The following ADAM19 variants were observed in gnomAD, a reference collection of about 807,000 sequenced individuals.
ADAM19 encodes the protein ADAM metallopeptidase domain 19.
In ADAM19, 65 loss-of-function variants were observed where a neutral mutation model predicts 114.7. That is an observed-to-expected ratio of 0.57 (90% confidence interval 0.46 to 0.70). The LOEUF (loss-of-function observed/expected upper bound fraction) is 0.70, where lower values mean the gene tolerates loss of function less well. Among genes scored for constraint, ADAM19 ranks in the 30% least tolerant of loss-of-function variants. The probability of loss-of-function intolerance (pLI) is 0.00; values close to 1 mark genes in which losing one functional copy is unlikely to be tolerated. For missense variants in ADAM19, 1,063 were observed against 1,204.7 expected (o/e 0.88, Z 1.74); for synonymous variants, 466 against 460.5 (o/e 1.01, Z -0.15).
intron 8 of ADAM19, among the ~76,000 whole-genome samples, chr5:157,511,636 A>G (rs1755923648): frequency 1.3e-5 from 2 of 152,246 alleles, no homozygotes; most frequent in Admixed American, 6.5e-5. Flanking sequence ...GGAGCTTTTG[A>G]AGGAAGTAAA....
chr5:157,479,882 C>T lies in ADAM19; in HGVS notation c.*1067G>A, dbSNP rs1754693314. 2 of 985,722 alleles carry T rather than the reference C, an allele frequency of 2.0e-6. No individual in the cohort carries two copies. The highest frequency in any genetic ancestry group is 2.4e-6 in the Non-Finnish European group (2 of 829,998). The allele number at this position is 985,722 out of a possible 1,614,324, so 61.1% of individuals were successfully genotyped here. ...CTGGGCTCCCTAAGGGGAAACCTCA[C>T]CTAGATTTAGCTTAGAGTAAGGAGG... On this transcript the variant is annotated 3_prime_UTR_variant, in exon 23 of 23. Coordinates refer to ENST00000257527, the MANE Select transcript of ADAM19 (RefSeq NM_033274.5).
rs1754637573 is a variant in ADAM19, at chr5:157,477,837, G to T, written c.*3112C>A. On this transcript the variant is annotated 3_prime_UTR_variant, in exon 23 of 23. Transcript: ENST00000257527. ...TGGGGAGGGGCTATTGCTTCAGGGG[G>T]AAGGGACTATGGCAATACAAAAAAA... The T allele has an allele frequency of 2.7e-6, 2 of 750,342 alleles. No homozygotes were observed. The highest frequency in any genetic ancestry group is 4.0e-6 in the Non-Finnish European group (2 of 502,642). 46.5% of individuals were successfully genotyped at this position (750,342 alleles called of 1,614,324 possible).
chr5:157,491,650 C>T lies in ADAM19; in HGVS notation c.2060G>A (p.Gly687Glu). ...APPFCNTPGH[G>E]GSIDSGPMPP... ...CATAGGCCCACTGTCGATACTGCCC[C>T]CGTGGCCCGGTGTGTTGCAGAAGGG... Residue 687 changes from glycine to glutamate, a missense_variant, in exon 18 of 23, where the codon GGG (glycine) becomes GAG (glutamate). Gly to Glu is a moderately conservative substitution (Grantham distance 98). This residue lies in a region of ADAM19 where 424 missense variants were observed against 445.5 expected (regional missense o/e 0.95). Transcript: ENST00000257527. The T allele has an allele frequency of 6.4e-7, 1 of 1,558,146 alleles. No homozygotes were observed. The highest frequency in any genetic ancestry group is 8.7e-7 in the Non-Finnish European group (1 of 1,151,102).
Position 157,518,882 on chromosome 5 carries a change from T to C in ADAM19, c.607A>G (p.Arg203Gly), listed in dbSNP as rs745377770. Reference sequence around the variant, plus strand: ...TACTTCATGGAGTTTAAATCTTCCCTTTTCATCTAAGAAAGAGAAACAGAT... The same window carrying C: ...TACTTCATGGAGTTTAAATCTTCCCCTTTCATCTAAGAAAGAGAAACAGAT... Reference protein sequence around the residue: ...QTKKRPRRMKREDLNSMKYVE... With the variant: ...QTKKRPRRMKGEDLNSMKYVE... The change falls in exon 7 of 23, where the codon AGG becomes GGG. Residue 203 changes from arginine (R) to glycine (G), a missense_variant. Arg to Gly is a moderately radical substitution (Grantham distance 125, BLOSUM62 -2). This residue lies in a region of ADAM19 where 615 missense variants were observed against 706.3 expected (regional missense o/e 0.87). Coordinates refer to ENST00000257527, the MANE Select transcript of ADAM19 (RefSeq NM_033274.5). 1 of 1,613,778 alleles carries C rather than the reference T, an allele frequency of 6.2e-7. No individual in the cohort carries two copies. Among genetic ancestry groups the C allele is most frequent in the Non-Finnish European group, 8.5e-7 (1 of 1,179,668 alleles).
rs920078897 is a variant in ADAM19, at chr5:157,480,086, G to A, written c.*863C>T. On this transcript the variant is annotated 3_prime_UTR_variant, in exon 23 of 23. Transcript: ENST00000257527. ...CAAGCACCTGGTCACCCGAAGGTCA[G>A]GACTGCTGAGGGTTTGCTCACCAAA... is the stretch of plus-strand genomic sequence containing the variant. 1.3e-5 allele frequency: 13 copies of A among 985,810 alleles called. No individual in the cohort carries two copies. The African/African-American group carries it at 2.3e-4, about 17-fold the overall frequency. The allele number at this position is 985,810 out of a possible 1,614,324, so 61.1% of individuals were successfully genotyped here.
In ADAM19 at chr5:157,480,158, G is replaced by C. The variant is rs926629034; in HGVS notation, c.*791C>G. On this transcript the variant is annotated 3_prime_UTR_variant, in exon 23 of 23. Coordinates refer to ENST00000257527, the MANE Select transcript of ADAM19 (RefSeq NM_033274.5). ...ATGAGAGGGGAAGGAAGAGAGAAAAGCGTGGGGCACCAGGAAAGTGCGGCA... is the reference window on the plus strand; with the variant it reads ...ATGAGAGGGGAAGGAAGAGAGAAAACCGTGGGGCACCAGGAAAGTGCGGCA... 1 of 986,062 alleles carries C rather than the reference G, an allele frequency of 1.0e-6. No homozygotes were observed. The highest frequency in any genetic ancestry group is 1.7e-5 in the African/African-American group (1 of 57,242). The allele number at this position is 986,062 out of a possible 1,614,324, so 61.1% of individuals were successfully genotyped here.
In ADAM19 at chr5:157,530,792, C is replaced by CT; in HGVS notation, c.407+14dup. 1 of 1,612,840 alleles carries CT rather than the reference C, an allele frequency of 6.2e-7. No homozygotes were observed. Among genetic ancestry groups the CT allele is most frequent in the South Asian group, 1.1e-5 (1 of 91,060 alleles). ...GAGAGTGCCCGGTGCCACCTGCAGC[C>CT]TCAGGGTCTCTTACCTAATTCCTCG... On this transcript the variant is annotated intron_variant, in intron 5 of 22. Coordinates refer to ENST00000257527, the MANE Select transcript of ADAM19 (RefSeq NM_033274.5).
intron 7 of ADAM19, among the ~76,000 whole-genome samples, chr5:157,516,648 T>C (rs1379201629): frequency 6.6e-6 from 1 of 152,156 alleles, no homozygotes; most frequent in Non-Finnish European, 1.5e-5. Context: ...GGAACTTCCA[T>C]GTAACCAAAG....
At chr5:157,559,430 A>G (rs1292538479) in intron 3 of ADAM19, among the ~76,000 whole-genome samples, 7 of 152,226 alleles carry the variant, frequency 4.6e-5, no homozygotes, top group African/African-American at 1.4e-4. Flanking sequence ...TTGCTTTTGA[A>G]GGTGATCTTG....
chr5:157,555,405 A>G (rs1757339822), intron 3 of ADAM19, among the ~76,000 whole-genome samples: 1 of 152,232 alleles, frequency 6.6e-6, no homozygotes, highest in African/African-American at 2.4e-5. Context: ...ACAGAGCATC[A>G]GAGAACATGA....
chr5:157,479,305 A>G lies in ADAM19; in HGVS notation c.*1644T>C. 1.0e-6 allele frequency: 1 copy of G among 985,944 alleles called. No individual in the cohort carries two copies. The highest frequency in any genetic ancestry group is 1.2e-6 in the Non-Finnish European group (1 of 830,006). The allele number at this position is 985,944 out of a possible 1,614,324, so 61.1% of individuals were successfully genotyped here. ...TCCAAGAAGCACCTATTGTGTGCAGAGAACTATAAGGAGGCCCTGGGGTGG... is the reference window on the plus strand; with the variant it reads ...TCCAAGAAGCACCTATTGTGTGCAGGGAACTATAAGGAGGCCCTGGGGTGG... On this transcript the variant is annotated 3_prime_UTR_variant, in exon 23 of 23. Transcript: ENST00000257527.
intron 19 of ADAM19, among the ~76,000 whole-genome samples, chr5:157,490,038 A>C (rs1561842237): frequency 6.6e-6 from 1 of 152,210 alleles, no homozygotes; most frequent in Admixed American, 6.5e-5. Context: ...AAAGGATGGC[A>C]AATAGATTTT....
At chr5:157,488,194 T>C in intron 21 of ADAM19, 71 bp downstream of exon 21, 1 of 1,473,060 alleles carries the variant, frequency 6.8e-7, no homozygotes, top group African/African-American at 1.4e-5. Context: ...CTTCCCCACC[T>C]TTGCCATTAC....
At chr5:157,544,793 A>G (rs890672516) in intron 3 of ADAM19, among the ~76,000 whole-genome samples, 1 of 152,244 alleles carries the variant, frequency 6.6e-6, no homozygotes, top group African/African-American at 2.4e-5. Flanking sequence ...GTGAGTAGGA[A>G]CAACTTCTCT....
chr5:157,566,843 A>T (rs1307903378), intron 2 of ADAM19: 2 of 152,110 alleles, frequency 1.3e-5, no homozygotes, highest in South Asian at 4.2e-4. Flanking sequence ...TAGTATTTTT[A>T]AATTTTTTGT....
At chr5:157,485,582 G>A (rs1015569807) in intron 21 of ADAM19, among the ~76,000 whole-genome samples, 1 of 152,216 alleles carries the variant, frequency 6.6e-6, no homozygotes. Flanking sequence ...TATGTGGCCT[G>A]GGCATAGACG....
Position 157,480,762 on chromosome 5 carries a change from C to T in ADAM19, c.*187G>A. ...CCTAGAGGCCATCAGATCATAGTCC[C>T]TCTGGGCTTCCAAGGAAGCCGAGGA... On this transcript the variant is annotated 3_prime_UTR_variant, in exon 23 of 23. Coordinates refer to ENST00000257527, the MANE Select transcript of ADAM19 (RefSeq NM_033274.5). 5 of 1,440,956 alleles carry T rather than the reference C, an allele frequency of 3.5e-6. No homozygotes were observed. The highest frequency in any genetic ancestry group is 4.5e-6 in the Non-Finnish European group (5 of 1,103,746). The allele number at this position is 1,440,956 out of a possible 1,614,324, so 89.3% of individuals were successfully genotyped here. A position where few individuals can be genotyped will look rare whatever the true frequency, so the allele number is the denominator to read the frequency against.
At chr5:157,503,010 G>C in intron 11 of ADAM19, 30 bp from the exon 12 acceptor site, 1 of 1,600,810 alleles carries the variant, frequency 6.2e-7, no homozygotes, top group Non-Finnish European at 8.6e-7. Flanking sequence ...GAATTAGTGG[G>C]GAGTTTGAGC....
chr5:157,527,532 T>A (rs1756507019), intron 5 of ADAM19, among the ~76,000 whole-genome samples: 1 of 152,102 alleles, frequency 6.6e-6, no homozygotes, highest in African/African-American at 2.4e-5. Context: ...TTTTAAACCA[T>A]CAGATCTTGT....
Sources: gnomAD v4.1 joint callset for allele counts (sites outside exome capture counted in the v4.1 genomes callset) on GRCh38, gnomAD v4.1.1 for gene constraint, gnomAD v4.1.1 regional missense constraint, MANE v1.5 for transcripts, NCBI Gene and HGNC (gene_info 2026-07-23, HGNC 2026-07-21) for gene names.